The following CNKSR3 variants were observed in gnomAD, a reference collection of about 807,000 sequenced individuals.
CNKSR3 encodes the protein connector enhancer of kinase suppressor of ras 3.
Under a neutral mutation model 67.7 loss-of-function variants are expected in CNKSR3, and 36 were observed. The ratio of observed to expected loss-of-function variants is 0.53; its 90% CI spans 0.41 to 0.70. The LOEUF is 0.70. Among genes scored for constraint, CNKSR3 ranks in the 30% least tolerant of loss-of-function variants. The pLI is 0.00. For missense variants in CNKSR3, 630 were observed against 695.2 expected (o/e 0.91, Z 1.05); for synonymous variants, 281 against 271.4 (o/e 1.04, Z -0.35).
At chr6:154,433,423 T>A in intron 5 of CNKSR3, 43 bp downstream of exon 5, 1 of 1,385,784 alleles carries the variant, frequency 7.2e-7, no homozygotes, top group Non-Finnish European at 1.0e-6. Flanking sequence ...CCCACTGCCT[T>A]TGGAAAATGA....
chr6:154,463,075 C>G (rs1786115444), intron 1 of CNKSR3, among the ~76,000 whole-genome samples: 1 of 151,700 alleles, frequency 6.6e-6, no homozygotes, highest in African/African-American at 2.4e-5. Context: ...GTGAACCTGT[C>G]TGACCCTCAT....
intron 4 of CNKSR3, among the ~76,000 whole-genome samples, chr6:154,438,363 GCGTGTTT>G (rs1344672580): frequency 6.6e-6 from 1 of 151,908 alleles, no homozygotes; most frequent in Non-Finnish European, 1.5e-5. Flanking sequence ...ATAGGATGAT[GCGTGTTT>G]TATATATACA....
intron 1 of CNKSR3, among the ~76,000 whole-genome samples, chr6:154,486,714 G>C (rs977148349): frequency 2.0e-5 from 3 of 151,852 alleles, no homozygotes; most frequent in African/African-American, 7.3e-5. Context: ...GACTGGTCTC[G>C]AACTCCTGAC....
At chr6:154,461,361 T>G (rs539061659) in intron 1 of CNKSR3, among the ~76,000 whole-genome samples, 1 of 152,338 alleles carries the variant, frequency 6.6e-6, no homozygotes, top group South Asian at 2.1e-4. Context: ...GTACTTACTA[T>G]GTTTTTGGCA....
chr6:154,487,901 C>G (rs971709868), intron 1 of CNKSR3, among the ~76,000 whole-genome samples: 18 of 152,156 alleles, frequency 1.2e-4, no homozygotes, highest in Non-Finnish European at 2.4e-4. Context: ...CCTTGACCAT[C>G]TCAAGGACAA....
rs1233381847 is a variant in CNKSR3, at chr6:154,399,027, CA to C, written c.*7326del. Reference sequence around the variant, plus strand: ...CCAGTAGGCGGAAGTTGCGGTGAGCCAAGATCGTACCATTGCACTCCAGCCT... The same window carrying C: ...CCAGTAGGCGGAAGTTGCGGTGAGCCAGATCGTACCATTGCACTCCAGCCT... On this transcript the variant is annotated 3_prime_UTR_variant, in exon 13 of 13. Transcript: ENST00000607772. 6.6e-6 allele frequency: 1 copy of C among 150,682 alleles called. No homozygotes were observed. The highest frequency in any genetic ancestry group is 1.5e-5 in the Non-Finnish European group (1 of 67,938). 9.3% of individuals were successfully genotyped at this position (150,682 alleles called of 1,614,324 possible).
At chr6:154,473,966 G>A (rs1183124474) in intron 1 of CNKSR3, among the ~76,000 whole-genome samples, 1 of 151,428 alleles carries the variant, frequency 6.6e-6, no homozygotes, top group Non-Finnish European at 1.5e-5. Flanking sequence ...TGTATTTTTA[G>A]TATAGACGGG....
intron 6 of CNKSR3, among the ~76,000 whole-genome samples, chr6:154,429,121 C>T (rs1446350278): frequency 6.6e-6 from 1 of 152,166 alleles, no homozygotes; most frequent in Non-Finnish European, 1.5e-5. Context: ...ACTATTTCTG[C>T]AGTTGGACTC....
intron 1 of CNKSR3, among the ~76,000 whole-genome samples, chr6:154,468,080 C>CTTT (rs71021055): frequency 1.0e-4 from 11 of 107,488 alleles, no homozygotes; most frequent in East Asian, 2.7e-4. Flanking sequence ...TCTTTTTTTT[C>CTTT]TTTTTTTTTT....
At chr6:154,437,043 G>A (rs935286313) in intron 4 of CNKSR3, among the ~76,000 whole-genome samples, 1 of 152,138 alleles carries the variant, frequency 6.6e-6, no homozygotes, top group African/African-American at 2.4e-5. Context: ...AAGAAGGGGG[G>A]ACGGCAAGAT....
Position 154,399,536 on chromosome 6 carries a change from T to A in CNKSR3, c.*6818A>T, listed in dbSNP as rs950376617. On this transcript the variant is annotated 3_prime_UTR_variant, in exon 13 of 13. Transcript: ENST00000607772. ...TAAGTGGCAAAGTGAGACAGCTGGATGATCCAACTTCAAAAGCTGAGCCCC... is the reference window on the plus strand; with the variant it reads ...TAAGTGGCAAAGTGAGACAGCTGGAAGATCCAACTTCAAAAGCTGAGCCCC... 6.6e-6 allele frequency: 1 copy of A among 152,100 alleles called. No homozygotes were observed. Among genetic ancestry groups the A allele is most frequent in the Non-Finnish European group, 1.5e-5 (1 of 68,032 alleles). The allele number at this position is 152,100 out of a possible 1,614,324, so 9.4% of individuals were successfully genotyped here.
intron 1 of CNKSR3, among the ~76,000 whole-genome samples, chr6:154,505,288 G>A (rs1787074864): frequency 9.3e-6 from 1 of 108,010 alleles, no homozygotes. Flanking sequence ...AGACTGCTAT[G>A]TGTCATAAAC....
intron 1 of CNKSR3, among the ~76,000 whole-genome samples, chr6:154,463,696 G>C (rs1786132952): frequency 3.9e-5 from 6 of 152,110 alleles, no homozygotes; most frequent in Admixed American, 3.3e-4. Flanking sequence ...TGAATCTCTA[G>C]GGTCCTCTCA....
At chr6:154,410,846 A>G in intron 11 of CNKSR3, 88 bp downstream of exon 11, 1 of 1,048,846 alleles carries the variant, frequency 9.5e-7, no homozygotes, top group Non-Finnish European at 1.4e-6. Context: ...GAAGTCTGCC[A>G]AATTCATCCA....
At position 154,422,601 on chromosome 6, in the gene CNKSR3, C is replaced by T. The variant is rs757213208; in HGVS notation, c.850G>A (p.Gly284Arg). The T allele has an allele frequency of 3.0e-5, 48 of 1,613,608 alleles. No individual in the cohort carries two copies. Among genetic ancestry groups the T allele is most frequent in the Admixed American group, 1.0e-4 (6 of 59,986 alleles). ...CGCTTCTTAAGCAGTAACACAACTC[C>T]GGTGGGATTCTCTCTCAATTTCTTC... ...LVKKLRENPT[G>R]VVLLLKKRPT... The change falls in exon 9 of 13, where the codon GGA becomes AGA. Residue 284 changes from glycine (G) to arginine (R), a missense_variant. By Grantham distance (125) the Gly-to-Arg change is moderately radical. This residue lies in a region of CNKSR3 where 133 missense variants were observed against 190.6 expected (regional missense o/e 0.70). Coordinates refer to ENST00000607772, the MANE Select transcript of CNKSR3 (RefSeq NM_173515.4).
intron 1 of CNKSR3, among the ~76,000 whole-genome samples, chr6:154,451,952 C>T (rs139450443): frequency 0.024 from 3,656 of 152,232 alleles, 56 homozygotes; most frequent in Middle Eastern, 0.041. Flanking sequence ...GCCTTCGTGG[C>T]ACGCGAGTCA....
At chr6:154,441,427 G>C (rs886431802) in intron 3 of CNKSR3, 48 bp from the exon 4 acceptor site, 5 of 1,367,074 alleles carry the variant, frequency 3.7e-6, no homozygotes, top group Non-Finnish European at 5.2e-6. Context: ...GAGAATCCAC[G>C]GGGATCCCAC....
intron 1 of CNKSR3, among the ~76,000 whole-genome samples, chr6:154,453,004 T>C (rs182668912): frequency 1.6e-3 from 242 of 152,352 alleles, no homozygotes; most frequent in African/African-American, 5.4e-3. Flanking sequence ...ACAATAACAT[T>C]TCCTTTCATA....
In CNKSR3 at chr6:154,395,742, TTTTG is replaced by T. The variant is rs796805722; in HGVS notation, c.*10608_*10611del. 5.9e-5 allele frequency: 9 copies of T among 152,318 alleles called. No individual in the cohort carries two copies. The highest frequency in any genetic ancestry group is 2.1e-4 in the South Asian group (1 of 4,822). 9.4% of individuals were successfully genotyped at this position (152,318 alleles called of 1,614,324 possible). A position where few individuals can be genotyped will look rare whatever the true frequency, so the allele number is the denominator to read the frequency against. ...TCTACAGCCTATATATGCATGTACG[TTTTG>T]TTTGTTTGAGATGGAGTCTCACTCT... is the stretch of plus-strand genomic sequence containing the variant. On this transcript the variant is annotated 3_prime_UTR_variant, in exon 13 of 13. Transcript: ENST00000607772.
Sources: allele counts gnomAD v4.1 joint callset (sites outside exome capture counted in the v4.1 genomes callset), GRCh38; gene constraint gnomAD v4.1.1; regional missense constraint gnomAD v4.1.1; transcripts MANE v1.5; gene names NCBI Gene and HGNC (gene_info 2026-07-23, HGNC 2026-07-21).